MRPS6: variants seen among roughly 807,000 people sequenced by gnomAD.
MRPS6 encodes the protein small ribosomal subunit protein bS6m.
In MRPS6, 6 loss-of-function variants were observed where a neutral mutation model predicts 13.1. The ratio of observed to expected loss-of-function variants is 0.46; its 90% confidence interval spans 0.25 to 0.91. MRPS6 has a LOEUF of 0.91. MRPS6 is among the 40% of genes least tolerant of loss of function. The pLI, the probability that MRPS6 is intolerant of heterozygous loss-of-function variation, is 0.18. For synonymous variants in MRPS6, 61 were observed against 56.5 expected, an observed-to-expected ratio of 1.08 and a Z score of -0.36; for missense variants, 164 against 155.6, an observed-to-expected ratio of 1.05 and a Z score of -0.29.
In MRPS6 at chr21:34,096,006, C is replaced by G. The variant is rs1978949623; in HGVS notation, c.45+22261C>G. The G allele has an allele frequency of 6.2e-7, 1 of 1,613,954 alleles. No homozygotes were observed. The highest frequency in any genetic ancestry group is 1.7e-5 in the Admixed American group (1 of 59,982). On this transcript the variant is annotated intron_variant, in intron 1 of 2. Transcript: ENST00000399312. The surrounding 1 kb of genome is among the most constrained non-coding windows in gnomAD (Gnocchi z 5.9). The stretch of plus-strand genomic sequence containing the variant: ...GCCTGGATTCATTCTTGGGCAGACC[C>G]CAGCTTCAGTATGGTACTGGTGTGC...
intron 2 of MRPS6, among the ~76,000 whole-genome samples, chr21:34,130,110 C>T (rs922759034): frequency 6.7e-6 from 1 of 149,888 alleles, no homozygotes; most frequent in Admixed American, 6.6e-5. Context: ...CCCTCCCATC[C>T]CCCTCCCCCA....
At chr21:34,129,486 C>T (rs935347397) in intron 2 of MRPS6, among the ~76,000 whole-genome samples, 11 of 152,144 alleles carry the variant, frequency 7.2e-5, no homozygotes, top group South Asian at 2.1e-4. Flanking sequence ...CTGTTTTGCC[C>T]GTTCTTTGCC....
Position 34,102,711 on chromosome 21 carries a change from A to G in MRPS6, c.46-22630A>G, listed in dbSNP as rs557233084. On this transcript the variant is annotated intron_variant, in intron 1 of 2. Transcript: ENST00000399312. Reference sequence around the variant, plus strand: ...TAAGCAGCTGAAGAGCGAGCAAATCAAGACAAAACACAGTGGTCTCAGATT... The same window carrying G: ...TAAGCAGCTGAAGAGCGAGCAAATCGAGACAAAACACAGTGGTCTCAGATT... The G allele has an allele frequency of 5.0e-6, 5 of 1,000,072 alleles. No homozygotes were observed. The East Asian group carries it at 5.7e-4, about 113-fold the overall frequency. The allele number at this position is 1,000,072 out of a possible 1,614,324, so 61.9% of individuals were successfully genotyped here.
chr21:34,105,339 A>G, intron 1 of MRPS6: 1 of 999,924 alleles, frequency 1.0e-6, no homozygotes, highest in Non-Finnish European at 1.2e-6. Context: ...GATATCAAAA[A>G]TAGTTGCTGT....
At chr21:34,092,449 C>T (rs960718072) in intron 1 of MRPS6, among the ~76,000 whole-genome samples, 17 of 152,254 alleles carry the variant, frequency 1.1e-4, no homozygotes, top group Middle Eastern at 6.8e-3. Context: ...GAAGCCTAGG[C>T]GGAGAGTTGA....
chr21:34,112,363 T>C (rs1449115835), intron 1 of MRPS6, among the ~76,000 whole-genome samples: 3 of 152,186 alleles, frequency 2.0e-5, no homozygotes, highest in African/African-American at 7.2e-5. Context: ...GTATGTGGAA[T>C]GCGAGCGATA....
At chr21:34,076,972 C>G (rs578050345) in intron 1 of MRPS6, among the ~76,000 whole-genome samples, 36 of 152,198 alleles carry the variant, frequency 2.4e-4, no homozygotes, top group Non-Finnish European at 4.3e-4. Context: ...CAGGTAGCCT[C>G]ATTTCAGTGT....
chr21:34,128,362 C>T (rs893289944), intron 2 of MRPS6, among the ~76,000 whole-genome samples: 1 of 152,106 alleles, frequency 6.6e-6, no homozygotes, highest in African/African-American at 2.4e-5. Flanking sequence ...TGCCCAGCCC[C>T]CTCCGCCCCC....
At chr21:34,108,776 G>T (rs1169739182) in intron 1 of MRPS6, among the ~76,000 whole-genome samples, 1 of 152,170 alleles carries the variant, frequency 6.6e-6, no homozygotes, top group Non-Finnish European at 1.5e-5. Context: ...TCAGAAATTT[G>T]AAATCATAAG....
At chr21:34,103,263 A>C (rs1201286008) in intron 1 of MRPS6, 1 of 999,324 alleles carries the variant, frequency 1.0e-6, no homozygotes, top group Non-Finnish European at 1.2e-6. Flanking sequence ...TTCTTAACAG[A>C]AAATTTGTAT....
chr21:34,095,880 T>C (rs1978944182), intron 1 of MRPS6: 5 of 1,614,126 alleles, frequency 3.1e-6, no homozygotes, highest in Non-Finnish European at 4.2e-6. Flanking sequence ...CACTTCCATC[T>C]TATTGACATA....
rs544388359 is a variant in MRPS6 at position 34,123,276 on chromosome 21, C to G, written c.46-2065C>G. The G allele has an allele frequency of 6.6e-5, 10 of 152,222 alleles. No homozygotes were observed. The East Asian group carries it at 9.6e-4, about 15-fold the overall frequency. 9.4% of individuals were successfully genotyped at this position (152,222 alleles called of 1,614,324 possible). A position where few individuals can be genotyped will look rare whatever the true frequency, so the allele number is the denominator to read the frequency against. ...GCCAGAATGCACACTTAAACTTGTT[C>G]TGCAATTTTCTCTTCATTTGATCCC... On this transcript the variant is annotated intron_variant, in intron 1 of 2. Coordinates refer to ENST00000399312, the MANE Select transcript of MRPS6 (RefSeq NM_032476.4).
chr21:34,093,419 A>T (rs1211243587), intron 1 of MRPS6, among the ~76,000 whole-genome samples: 1 of 152,152 alleles, frequency 6.6e-6, no homozygotes, highest in African/African-American at 2.4e-5. Flanking sequence ...ATTAGACCTA[A>T]GAACCTAATT....
Position 34,096,409 on chromosome 21 carries a change from C to T in MRPS6, c.45+22664C>T. The T allele has an allele frequency of 6.2e-7, 1 of 1,614,196 alleles. No homozygotes were observed. The highest frequency in any genetic ancestry group is 8.5e-7 in the Non-Finnish European group (1 of 1,180,032). On this transcript the variant is annotated intron_variant, in intron 1 of 2. Coordinates refer to ENST00000399312, the MANE Select transcript of MRPS6 (RefSeq NM_032476.4). The surrounding 1 kb of genome is among the most constrained non-coding windows in gnomAD (Gnocchi z 5.9). ...AAACTTATCCGCAAGAGCGCAAGCTCCCGGGAGTTAATGATTGTGGGGAGG... is the reference window on the plus strand; with the variant it reads ...AAACTTATCCGCAAGAGCGCAAGCTTCCGGGAGTTAATGATTGTGGGGAGG...
At chr21:34,115,266 G>T (rs1979857773) in intron 1 of MRPS6, among the ~76,000 whole-genome samples, 1 of 152,076 alleles carries the variant, frequency 6.6e-6, no homozygotes, top group African/African-American at 2.4e-5. Flanking sequence ...TCATCACATT[G>T]CCCAAAGAGT....
chr21:34,092,129 T>C (rs1978728898), intron 1 of MRPS6, among the ~76,000 whole-genome samples: 1 of 151,478 alleles, frequency 6.6e-6, no homozygotes, highest in African/African-American at 2.4e-5. Context: ...GAAAAACATA[T>C]ATATATATAT....
At position 34,104,758 on chromosome 21, in the gene MRPS6, C is replaced by T. The variant is rs968672530; in HGVS notation, c.46-20583C>T. The T allele has an allele frequency of 1.6e-5, 16 of 1,000,126 alleles. No individual in the cohort carries two copies. The African/African-American group carries it at 2.8e-4, about 17-fold the overall frequency. 62.0% of individuals were successfully genotyped at this position (1,000,126 alleles called of 1,614,324 possible). A position where few individuals can be genotyped will look rare whatever the true frequency, so the allele number is the denominator to read the frequency against. On this transcript the variant is annotated intron_variant, in intron 1 of 2. Transcript: ENST00000399312. ...AGAGAAGTTTGAGGAACACCCTTGG[C>T]TTAGCAACATGTGATAATGCAAAGC...
intron 2 of MRPS6, among the ~76,000 whole-genome samples, chr21:34,126,028 T>C (rs79827206): frequency 0.017 from 2,619 of 152,328 alleles, 69 homozygotes; most frequent in African/African-American, 0.061. Context: ...TAACTATCTT[T>C]GTAGAAGTTC....
chr21:34,123,306 T>C (rs1013252426), intron 1 of MRPS6: 1 of 152,170 alleles, frequency 6.6e-6, no homozygotes, highest in Non-Finnish European at 1.5e-5. Context: ...GATCCCCAAA[T>C]GAACCTCTGG....
Sources: allele counts gnomAD v4.1 joint callset (sites outside exome capture counted in the v4.1 genomes callset), GRCh38; gene constraint gnomAD v4.1.1; non-coding constraint Gnocchi (gnomAD v3.1); transcripts MANE v1.5; gene names NCBI Gene and HGNC (gene_info 2026-07-23, HGNC 2026-07-21).